Variants in BABAM2 observed in about 807,000 individuals in gnomAD.
BABAM2 encodes the protein BRISC and BRCA1 A complex member 2.
A neutral mutation model predicts 54.7 loss-of-function variants in BABAM2; 31 were observed. The ratio of observed to expected loss-of-function variants is 0.57; its 90% CI spans 0.43 to 0.77. The LOEUF (loss-of-function observed/expected upper bound fraction) is 0.77. BABAM2 is among the 30% of genes least tolerant of loss of function. The pLI, the probability that BABAM2 is intolerant of heterozygous loss-of-function variation, is 0.00. For synonymous variants in BABAM2, 167 were observed against 162.9 expected (o/e 1.03, Z -0.19); for missense variants, 364 against 455.8 (o/e 0.80, Z 1.83).
intron 2 of BABAM2, among the ~76,000 whole-genome samples, chr2:27,909,293 C>T (rs1478208083): frequency 6.6e-6 from 1 of 152,186 alleles, no homozygotes; most frequent in Non-Finnish European, 1.5e-5. Flanking sequence ...AGTCCTCCCA[C>T]TTTGGCCTCT....
intron 3 of BABAM2, among the ~76,000 whole-genome samples, chr2:27,937,212 C>T (rs997475998): frequency 2.0e-5 from 3 of 152,142 alleles, no homozygotes; most frequent in Admixed American, 2.0e-4. Context: ...AATGTAAATT[C>T]TACGTAGATA....
At chr2:27,914,779 T>G (rs1172633646) in intron 2 of BABAM2, among the ~76,000 whole-genome samples, 5 of 152,178 alleles carry the variant, frequency 3.3e-5, no homozygotes, top group African/African-American at 1.2e-4. Flanking sequence ...AATTTATATA[T>G]GAACACGTAC....
At position 27,899,537 on chromosome 2, in the gene BABAM2, C is replaced by T. The variant is rs539105787; in HGVS notation, c.128+4853C>T. ...TTGCCCAGGCTGGAGGGCAATGGCG[C>T]GATCTTGGCTCCTCAACCTCTGCCT... On this transcript the variant is annotated intron_variant, in intron 2 of 11. Transcript: ENST00000379624. Among the ~76,000 whole-genome samples, 19 of 151,626 alleles carry T rather than the reference C, an allele frequency of 1.3e-4. No homozygotes were observed. The South Asian group carries it at 2.3e-3, about 18-fold the overall frequency.
rs70956004 is a variant in BABAM2 at position 28,184,285 on chromosome 2, T to TCCC, written c.681-52912_681-52910dup. 5.6e-4 allele frequency among the ~76,000 whole-genome samples: 57 copies of TCCC among 102,202 alleles called. No individual in the cohort carries two copies. In the South Asian group the frequency reaches 7.2e-3, roughly 13 times the overall value. The allele number at this position is 102,202 out of a possible 152,430, so 67.0% of individuals were successfully genotyped here. A position where few individuals can be genotyped will look rare whatever the true frequency, so the allele number is the denominator to read the frequency against. ...CTCCCTCTCTCTCTCTCTCTCTCTCTCCCCCCCTCCCTCTCTCCCTCTCTC... is the reference window on the plus strand; with the variant it reads ...CTCCCTCTCTCTCTCTCTCTCTCTCTCCCCCCCCCCTCCCTCTCTCCCTCTCTC... On this transcript the variant is annotated intron_variant, in intron 7 of 11. Transcript: ENST00000379624.
intron 10 of BABAM2, among the ~76,000 whole-genome samples, chr2:28,250,851 G>T (rs2148102255): frequency 6.6e-6 from 1 of 152,128 alleles, no homozygotes; most frequent in South Asian, 2.1e-4. Context: ...TACCCGCCAT[G>T]GCTTCCCAAA....
intron 6 of BABAM2, among the ~76,000 whole-genome samples, chr2:28,079,111 A>G (rs1664941300): frequency 6.6e-6 from 1 of 152,212 alleles, no homozygotes; most frequent in African/African-American, 2.4e-5. Flanking sequence ...TATATAGAAA[A>G]AATTGCAGAA....
At chr2:28,200,269 AT>A (rs1332327315) in intron 7 of BABAM2, among the ~76,000 whole-genome samples, 2 of 152,198 alleles carry the variant, frequency 1.3e-5, no homozygotes, top group African/African-American at 4.8e-5. Flanking sequence ...TTCACTGATC[AT>A]CATTCACCAT....
At chr2:27,977,161 C>G (rs1184505638) in intron 3 of BABAM2, among the ~76,000 whole-genome samples, 1 of 152,166 alleles carries the variant, frequency 6.6e-6, no homozygotes, top group Admixed American at 6.5e-5. Flanking sequence ...ATTGCTGAGG[C>G]AGTTGACAAG....
chr2:28,255,854 C>T (rs1683925759), intron 10 of BABAM2, among the ~76,000 whole-genome samples: 1 of 151,918 alleles, frequency 6.6e-6, no homozygotes. Flanking sequence ...TTTGTGGAGA[C>T]AGAGTTTCAC....
intron 6 of BABAM2, among the ~76,000 whole-genome samples, chr2:28,112,147 T>TTCTTTCCCTCCCTCCC (rs1558346715): frequency 1.1e-3 from 6 of 5,248 alleles, no homozygotes; most frequent in Non-Finnish European, 1.3e-3. Flanking sequence ...CTTTCTTTCT[T>TTCTTTCCCTCCCTCCC]TACCTCCCTC....
chr2:27,917,601 T>G (rs1269101435), intron 2 of BABAM2, among the ~76,000 whole-genome samples: 2 of 152,136 alleles, frequency 1.3e-5, no homozygotes, highest in African/African-American at 4.8e-5. Flanking sequence ...CTCCGTTTTA[T>G]GACCTAGTCA....
In BABAM2 at chr2:28,275,784, C is replaced by T. The variant is rs555457677; in HGVS notation, c.935-22554C>T. 1.1e-4 allele frequency among the ~76,000 whole-genome samples: 17 copies of T among 152,216 alleles called. No individual in the cohort carries two copies. The East Asian group carries it at 2.5e-3, about 22-fold the overall frequency. On this transcript the variant is annotated intron_variant, in intron 10 of 11. Coordinates refer to ENST00000379624, the MANE Select transcript of BABAM2 (RefSeq NM_199191.3). ...AACATCCCGCAGAGAGGACAGCTTACGCATGGGCTCACACAAAGAAAATTG... is the reference window on the plus strand; with the variant it reads ...AACATCCCGCAGAGAGGACAGCTTATGCATGGGCTCACACAAAGAAAATTG...
chr2:28,170,503 T>C (rs1674204771), intron 7 of BABAM2, among the ~76,000 whole-genome samples: 1 of 152,092 alleles, frequency 6.6e-6, no homozygotes, highest in South Asian at 2.1e-4. Flanking sequence ...TAACTTCATC[T>C]ACCAATTGCC....
rs570971927 is a variant in BABAM2, at chr2:28,127,808, C to CTT, written c.571-1448_571-1447dup. 5.5e-3 allele frequency among the ~76,000 whole-genome samples: 735 copies of CTT among 133,810 alleles called. 9 individuals carry two copies. Among genetic ancestry groups the CTT allele is most frequent in the African/African-American group, 0.016 (570 of 35,970 alleles). The allele number at this position is 133,810 out of a possible 152,430, so 87.8% of individuals were successfully genotyped here. A position where few individuals can be genotyped will look rare whatever the true frequency, so the allele number is the denominator to read the frequency against. On this transcript the variant is annotated intron_variant, in intron 6 of 11. Transcript: ENST00000379624. ...AATGTCAAGCTCATGAGTAGTGAGT[C>CTT]TTTTTTTTTTTTTTTTGAGGTGGAG... is the stretch of plus-strand genomic sequence containing the variant.
chr2:28,109,458 G>T (rs1667811431), intron 6 of BABAM2, among the ~76,000 whole-genome samples: 1 of 152,050 alleles, frequency 6.6e-6, no homozygotes, highest in Non-Finnish European at 1.5e-5. Flanking sequence ...AAAGTGCTGG[G>T]ATTACAGGTG....
At chr2:28,080,621 C>G (rs1464437703) in intron 6 of BABAM2, among the ~76,000 whole-genome samples, 2 of 152,098 alleles carry the variant, frequency 1.3e-5, no homozygotes, top group Admixed American at 6.5e-5. Context: ...TAGAAGAGAC[C>G]AATCTGTGCC....
intron 7 of BABAM2, among the ~76,000 whole-genome samples, chr2:28,213,566 A>G (rs1046676931): frequency 2.0e-5 from 3 of 152,156 alleles, no homozygotes; most frequent in African/African-American, 7.2e-5. Context: ...GCCAGATCAG[A>G]CCTAATTAAC....
At chr2:28,236,002 A>C in intron 7 of BABAM2, among the ~76,000 whole-genome samples, 1 of 152,112 alleles carries the variant, frequency 6.6e-6, no homozygotes, top group East Asian at 1.9e-4. Context: ...AGTTATTGTC[A>C]CACCTTTTTC....
chr2:28,064,308 T>C (rs1440068046), intron 6 of BABAM2, among the ~76,000 whole-genome samples: 1 of 152,236 alleles, frequency 6.6e-6, no homozygotes, highest in African/African-American at 2.4e-5. Flanking sequence ...TGGAGTAATC[T>C]AATCTTGTTT....
Sources: allele counts gnomAD v4.1 joint callset (sites outside exome capture counted in the v4.1 genomes callset), GRCh38; gene constraint gnomAD v4.1.1; transcripts MANE v1.5; gene names NCBI Gene and HGNC (gene_info 2026-07-23, HGNC 2026-07-21).